RBFOX1: variants seen among roughly 807,000 people sequenced by gnomAD.
The protein encoded by RBFOX1 is RNA binding fox-1 homolog 1, also known as RNA binding protein fox-1 homolog 1.
Under a neutral mutation model 57.7 loss-of-function variants are expected in RBFOX1, and 8 were observed. The ratio of observed to expected loss-of-function variants is 0.14; its 90% CI spans 0.08 to 0.25. The LOEUF (loss-of-function observed/expected upper bound fraction) is 0.25. RBFOX1 is among the 10% of genes least tolerant of loss of function. RBFOX1 has a pLI of 1.00. For missense variants in RBFOX1, 611 were observed against 548.5 expected, an observed-to-expected ratio of 1.11 and a Z score of -1.14; for synonymous variants, 326 against 222.4, an observed-to-expected ratio of 1.47 and a Z score of -4.15.
intron 2 of RBFOX1, among the ~76,000 whole-genome samples, chr16:6,639,218 A>C (rs76014232): frequency 0.041 from 6,194 of 152,296 alleles, 169 homozygotes; most frequent in Non-Finnish European, 0.048. Context: ...TAATTGGCAT[A>C]AATCTTGGAC....
At chr16:5,501,328 A>G (rs1385504650) in intron 2 of RBFOX1, among the ~76,000 whole-genome samples, 1 of 151,300 alleles carries the variant, frequency 6.6e-6, no homozygotes, top group Non-Finnish European at 1.5e-5. Flanking sequence ...CAAAAAAAAA[A>G]AAAAAAAAAA....
At chr16:7,198,306 A>G (rs533749644) in intron 4 of RBFOX1, among the ~76,000 whole-genome samples, 35 of 152,108 alleles carry the variant, frequency 2.3e-4, no homozygotes, top group Non-Finnish European at 2.4e-4. Context: ...CACATGGCCA[A>G]TATACCCGGT....
chr16:7,635,461 A>C (rs1008971472), intron 11 of RBFOX1, among the ~76,000 whole-genome samples: 1 of 152,168 alleles, frequency 6.6e-6, no homozygotes, highest in Non-Finnish European at 1.5e-5. Flanking sequence ...TGGGAATAAT[A>C]TCCCCACTTT....
intron 3 of RBFOX1, among the ~76,000 whole-genome samples, chr16:5,716,599 T>C (rs927954556): frequency 1.3e-5 from 2 of 152,222 alleles, no homozygotes; most frequent in Non-Finnish European, 2.9e-5. Context: ...GCTTATATGC[T>C]GTTGGTAGGA....
intron 3 of RBFOX1, among the ~76,000 whole-genome samples, chr16:6,915,141 C>G (rs1173357937): frequency 2.6e-5 from 4 of 152,182 alleles, no homozygotes; most frequent in African/African-American, 7.2e-5. Flanking sequence ...GAGCCATGCT[C>G]TCCAGACTCG....
intron 3 of RBFOX1, among the ~76,000 whole-genome samples, chr16:6,696,353 C>G (rs1267251942): frequency 1.3e-5 from 2 of 152,112 alleles, no homozygotes; most frequent in Non-Finnish European, 2.9e-5. Flanking sequence ...TAGACTAGCA[C>G]TTTCTTTATA....
intron 1 of RBFOX1, among the ~76,000 whole-genome samples, chr16:6,280,597 C>T (rs1306111441): frequency 6.6e-6 from 1 of 152,060 alleles, no homozygotes; most frequent in South Asian, 2.1e-4. Context: ...TGTAATGTCG[C>T]AGTACTCAGG....
At chr16:6,948,790 C>G (rs554254629) in intron 3 of RBFOX1, among the ~76,000 whole-genome samples, 1 of 152,108 alleles carries the variant, frequency 6.6e-6, no homozygotes. Flanking sequence ...GAGGAAGCGT[C>G]TTTTCTGATA....
rs543980772 is a variant in RBFOX1, at chr16:7,652,539, C to T, written c.758-1276C>T. Among the ~76,000 whole-genome samples, 23 of 152,260 alleles carry T rather than the reference C, an allele frequency of 1.5e-4. No homozygotes were observed. In the East Asian group the frequency reaches 1.9e-3, roughly 13 times the overall value. On this transcript the variant is annotated intron_variant, in intron 11 of 15. Transcript: ENST00000550418. ...TCTCCTGCCTCAGCCTCCCAAGTAG[C>T]GGGAATTATAGGCATGCGCCACCAC...
intron 2 of RBFOX1, among the ~76,000 whole-genome samples, chr16:6,352,075 AT>A (rs1169504004): frequency 2.6e-5 from 4 of 152,212 alleles, no homozygotes; most frequent in Admixed American, 6.5e-5. Context: ...AGCTGGAGGT[AT>A]CACAGATGGA....
intron 1 of RBFOX1, among the ~76,000 whole-genome samples, chr16:5,404,767 A>C (rs1188819888): frequency 6.6e-6 from 1 of 152,182 alleles, no homozygotes; most frequent in African/African-American, 2.4e-5. Flanking sequence ...CATCATTTAG[A>C]AAGATGAGGA....
chr16:6,258,357 A>G (rs901712964), intron 1 of RBFOX1, among the ~76,000 whole-genome samples: 3 of 152,180 alleles, frequency 2.0e-5, no homozygotes, highest in African/African-American at 7.2e-5. Flanking sequence ...TTGAGATCAT[A>G]TCATTTACTC....
In RBFOX1 at chr16:6,843,694, A is replaced by T. The variant is rs555103855; in HGVS notation, c.-16+189044A>T. On this transcript the variant is annotated intron_variant, in intron 3 of 15. Coordinates refer to ENST00000550418, the MANE Select transcript of RBFOX1 (RefSeq NM_018723.4). ...ACAGAGCGAGACTCCATCTCAAAAT[A>T]AATAAGTAAAATTATAAAAAAGCTT... 2.0e-5 allele frequency among the ~76,000 whole-genome samples: 3 copies of T among 152,322 alleles called. No individual in the cohort carries two copies. In the East Asian group the frequency reaches 5.8e-4, roughly 29 times the overall value.
chr16:7,512,934 C>A lies in RBFOX1; in HGVS notation c.28-5213C>A, dbSNP rs771466309. ...ACACACCAACAGCTAAACACAGGTC[C>A]ATGGTGTGTGTGATAGAGAGGGAAC... On this transcript the variant is annotated intron_variant, in intron 4 of 15. Transcript: ENST00000550418. Among the ~76,000 whole-genome samples, 65 of 152,288 alleles carry A rather than the reference C, an allele frequency of 4.3e-4. 1 individual carries two copies. The highest frequency in any genetic ancestry group is 7.2e-4 in the Non-Finnish European group (49 of 68,028).
chr16:7,618,021 AC>A (rs1852067023), intron 10 of RBFOX1, among the ~76,000 whole-genome samples: 1 of 151,892 alleles, frequency 6.6e-6, no homozygotes, highest in East Asian at 1.9e-4. Flanking sequence ...AAAAAAATAC[AC>A]ATGCTTGATC....
chr16:5,454,767 C>CTT (rs1567534252), intron 1 of RBFOX1, among the ~76,000 whole-genome samples: 1 of 36,314 alleles, frequency 2.8e-5, no homozygotes, highest in Admixed American at 2.6e-4. Flanking sequence ...TTCTTTCTTT[C>CTT]TCTTTCTTTC....
At chr16:5,719,580 C>G (rs2051851825) in intron 3 of RBFOX1, among the ~76,000 whole-genome samples, 2 of 152,026 alleles carry the variant, frequency 1.3e-5, no homozygotes, top group Non-Finnish European at 2.9e-5. Context: ...TCGCCCCCAC[C>G]AGGCCCTGGC....
intron 3 of RBFOX1, among the ~76,000 whole-genome samples, chr16:7,004,659 A>C (rs757849659): frequency 6.6e-6 from 1 of 152,220 alleles, no homozygotes; most frequent in Non-Finnish European, 1.5e-5. Context: ...TTGTCTGGGC[A>C]TTTTTTCTAT....
intron 1 of RBFOX1, among the ~76,000 whole-genome samples, chr16:5,425,617 C>G (rs2067536059): frequency 6.6e-6 from 1 of 152,188 alleles, no homozygotes; most frequent in Non-Finnish European, 1.5e-5. Flanking sequence ...AGAACGTGTC[C>G]TTTCTCTTTG....
Sources: allele counts gnomAD v4.1 joint callset (sites outside exome capture counted in the v4.1 genomes callset), GRCh38; gene constraint gnomAD v4.1.1; transcripts MANE v1.5; gene names NCBI Gene and HGNC (gene_info 2026-07-23, HGNC 2026-07-21).